USP39: variants seen among roughly 807,000 people sequenced by gnomAD.
USP39 encodes the protein ubiquitin specific peptidase 39, also known as ubiquitin carboxyl-terminal hydrolase 39.
Under a neutral mutation model 66.4 loss-of-function variants are expected in USP39, and 38 were observed. The ratio of observed to expected loss-of-function variants is 0.57; its 90% CI spans 0.44 to 0.75. The LOEUF (loss-of-function observed/expected upper bound fraction) is 0.75. USP39 is among the 30% of genes least tolerant of loss of function. The probability of loss-of-function intolerance (pLI) is 0.00; values close to 1 mark genes in which losing one functional copy is unlikely to be tolerated. For synonymous variants in USP39, 303 were observed against 274.6 expected, an observed-to-expected ratio of 1.10 and a Z score of -1.02; for missense variants, 608 against 714.4, an observed-to-expected ratio of 0.85 and a Z score of 1.70.
rs1283245514 is a variant in USP39, at chr2:85,616,420, G to A, written c.225G>A (p.Glu75=). The stretch of plus-strand genomic sequence containing the variant: ...TCCCGTTTGTGCGGGTGAAGCGGGA[G>A]CGCGAGGTCGATGAGGACTCGGAGC... ...SVVPFVRVKR[E]REVDEDSEPE... is the part of the protein sequence containing the mutation. The change falls in exon 1 of 13, where the codon GAG becomes GAA. Residue 75 remains glutamate (E), a synonymous_variant. Transcript: ENST00000323701. The A allele has an allele frequency of 1.9e-6, 3 of 1,593,936 alleles. No homozygotes were observed. The highest frequency in any genetic ancestry group is 3.4e-5 in the Admixed American group (2 of 58,730).
upstream of USP39, chr2:85,610,534 G>C (rs1438840286): frequency 2.6e-5 from 4 of 152,136 alleles, no homozygotes; most frequent in African/African-American, 9.7e-5. Flanking sequence ...ACCTCTCTGT[G>C]CCTGTTTCCT....
intron 1 of USP39, among the ~76,000 whole-genome samples, chr2:85,618,841 C>G (rs1406737126): frequency 6.6e-6 from 1 of 151,972 alleles, no homozygotes; most frequent in African/African-American, 2.4e-5. Flanking sequence ...ACGATCTCTG[C>G]TCACTGCAAC....
chr2:85,612,510 A>G (rs1673629442), upstream of USP39, among the ~76,000 whole-genome samples: 1 of 152,160 alleles, frequency 6.6e-6, no homozygotes, highest in African/African-American at 2.4e-5. Flanking sequence ...CAGGCAGGGC[A>G]ACAGCGGCGC....
At chr2:85,631,205 G>C (rs568069445) in intron 6 of USP39, among the ~76,000 whole-genome samples, 4 of 152,034 alleles carry the variant, frequency 2.6e-5, no homozygotes, top group Non-Finnish European at 5.9e-5. Flanking sequence ...AGCAGAGATG[G>C]GGTTTCACTA....
At chr2:85,609,341 T>G, upstream of USP39, 3 of 1,512,930 alleles carry the variant, frequency 2.0e-6, no homozygotes, top group Non-Finnish European at 1.8e-6. Flanking sequence ...ACGCTTCCCA[T>G]TGGGGGTCCT....
At chr2:85,645,307 C>T (rs1421226565) in intron 11 of USP39, 19 of 464,310 alleles carry the variant, frequency 4.1e-5, no homozygotes, top group South Asian at 5.1e-5. Context: ...GACAGGGTCT[C>T]GCTCTGTAGC....
intron 5 of USP39, 115 bp downstream of exon 5, chr2:85,625,806 G>T: frequency 1.5e-6 from 2 of 1,361,748 alleles, no homozygotes; most frequent in Non-Finnish European, 2.0e-6. Flanking sequence ...ATTGCCTGAG[G>T]TCAAGAGTTT....
chr2:85,647,799 CTTT>C, intron 11 of USP39, 128 bp from the exon 12 acceptor site: 1 of 723,286 alleles, frequency 1.4e-6, no homozygotes. Flanking sequence ...GTACCCTCTT[CTTT>C]ATGACTGTTG....
At chr2:85,620,533 C>T (rs1018792218) in intron 2 of USP39, among the ~76,000 whole-genome samples, 18 of 151,956 alleles carry the variant, frequency 1.2e-4, no homozygotes, top group Non-Finnish European at 2.4e-4. Context: ...AGGCATGAGC[C>T]ACCTGTGGCT....
In USP39 at chr2:85,626,730, T is replaced by TG. The variant is rs1291144884; in HGVS notation, c.723+1039_723+1040insG. Among the ~76,000 whole-genome samples the TG allele has an allele frequency of 1.4e-4, 21 of 152,136 alleles. No homozygotes were observed. The South Asian group carries it at 4.4e-3, about 32-fold the overall frequency. ...AAGCTGTCCTATTTTCTTTTTTTTT[T>TG]TTTTTGAGACGGAGTCTCAGTCTGT... On this transcript the variant is annotated intron_variant, in intron 5 of 12. Transcript: ENST00000323701.
intron 12 of USP39, among the ~76,000 whole-genome samples, chr2:85,648,440 G>T (rs929661611): frequency 6.6e-6 from 1 of 152,136 alleles, no homozygotes; most frequent in African/African-American, 2.4e-5. Flanking sequence ...CGCTTTGCCT[G>T]TCTGTCCTCT....
At chr2:85,615,359 A>G (rs1381027315), upstream of USP39, among the ~76,000 whole-genome samples, 2 of 152,106 alleles carry the variant, frequency 1.3e-5, no homozygotes, top group Non-Finnish European at 2.9e-5. Context: ...TTGTATGTCA[A>G]TTATACCTCA....
At chr2:85,630,689 G>T in intron 5 of USP39, 32 bp from the exon 6 acceptor site, 1 of 1,604,970 alleles carries the variant, frequency 6.2e-7, no homozygotes. Flanking sequence ...CTACAAAGGG[G>T]CTTTGGGTTA....
intron 10 of USP39, among the ~76,000 whole-genome samples, chr2:85,644,515 G>A (rs534033711): frequency 4.2e-4 from 64 of 152,064 alleles, no homozygotes; most frequent in African/African-American, 1.5e-3. Flanking sequence ...CACTTTAGCC[G>A]TAATCTCCTG....
At chr2:85,625,843 C>A in intron 5 of USP39, 152 bp downstream of exon 5, 2 of 940,198 alleles carry the variant, frequency 2.1e-6, no homozygotes, top group Non-Finnish European at 3.0e-6. Flanking sequence ...CATGGAGAAA[C>A]CCTGTCTCTA....
chr2:85,629,386 G>T (rs1465839868), intron 5 of USP39, among the ~76,000 whole-genome samples: 1 of 151,898 alleles, frequency 6.6e-6, no homozygotes, highest in African/African-American at 2.4e-5. Context: ...TGTAGCTCAG[G>T]CTGATGAGCC....
upstream of USP39, chr2:85,608,832 T>TTAAAAAA: frequency 7.0e-7 from 1 of 1,423,746 alleles, no homozygotes. Context: ...ATGCAGCAGC[T>TTAAAAAA]CTGGGGGTCT....
rs1225864845 is a variant in USP39 at position 85,639,333 on chromosome 2, TC to T, written c.1227del (p.Ile410PhefsTer29). The T allele has an allele frequency of 6.2e-7, 1 of 1,613,926 alleles. No individual in the cohort carries two copies. Among genetic ancestry groups the T allele is most frequent in the Non-Finnish European group, 8.5e-7 (1 of 1,180,014 alleles). On this transcript the variant is annotated frameshift_variant, in exon 9 of 13. Transcript: ENST00000323701. LOFTEE classifies it high-confidence loss of function. The part of the protein sequence containing the change: ...PLYKDEKEQL[I>X]IPQVPLFNIL... ...TACAAGGACGAGAAGGAGCAGCTCATCATTCCCCAAGTGCCACTCTTCAACA... is the reference window on the plus strand; with the variant it reads ...TACAAGGACGAGAAGGAGCAGCTCATATTCCCCAAGTGCCACTCTTCAACA...
chr2:85,609,873 GTTT>G (rs1558838536), upstream of USP39, among the ~76,000 whole-genome samples: 3 of 152,050 alleles, frequency 2.0e-5, no homozygotes, highest in Non-Finnish European at 4.4e-5. Flanking sequence ...TAGAGATGGG[GTTT>G]TACCATGTTG....
Sources: allele counts gnomAD v4.1 joint callset (sites outside exome capture counted in the v4.1 genomes callset), GRCh38; gene constraint gnomAD v4.1.1; transcripts MANE v1.5; gene names NCBI Gene and HGNC (gene_info 2026-07-23, HGNC 2026-07-21).